The following HYAL4 variants were observed in gnomAD, a reference collection of about 807,000 sequenced individuals.
HYAL4 encodes hyaluronidase 4.
HYAL4 carries 37 observed loss-of-function variants against 35.2 expected under a neutral mutation model. The ratio of observed to expected loss-of-function variants is 1.05; its 90% CI spans 0.81 to 1.38. The LOEUF (loss-of-function observed/expected upper bound fraction) is 1.38, where lower values mean the gene tolerates loss of function less well. HYAL4 is among the 40% of genes most tolerant of loss of function. HYAL4 has a pLI of 0.00. For missense variants in HYAL4, 572 were observed against 572.4 expected (o/e 1.00, Z 0.01); for synonymous variants, 198 against 203.2 (o/e 0.97, Z 0.22).
At chr7:123,792,759 A>T in the HYAL4 span, among the ~76,000 whole-genome samples, 1 of 152,278 alleles carries the variant, frequency 6.6e-6, no homozygotes, top group African/African-American at 2.4e-5. Context: ...CGTTTTTCAC[A>T]GAAGAGTTAG....
chr7:123,827,259 G>T (rs1805812729), upstream of HYAL4, among the ~76,000 whole-genome samples: 1 of 152,116 alleles, frequency 6.6e-6, no homozygotes, highest in Admixed American at 6.6e-5. Context: ...AACATCTAGT[G>T]AGGTTGGGGA....
At chr7:123,839,404 A>G (rs12672839) in intron 1 of HYAL4, among the ~76,000 whole-genome samples, 20,999 of 152,126 alleles carry the variant, frequency 0.14, 1,530 homozygotes, top group African/African-American at 0.16. Flanking sequence ...CATTTGGGTT[A>G]GTTCCAAGTC....
At chr7:123,830,071 T>G (rs569246217) in intron 1 of HYAL4, among the ~76,000 whole-genome samples, 10 of 152,292 alleles carry the variant, frequency 6.6e-5, no homozygotes, top group African/African-American at 2.2e-4. Flanking sequence ...AATCGCTGTT[T>G]GCACTCCAGT....
At chr7:123,870,597 A>G (rs1806851384) in intron 3 of HYAL4, among the ~76,000 whole-genome samples, 2 of 152,080 alleles carry the variant, frequency 1.3e-5, no homozygotes, top group Non-Finnish European at 2.9e-5. Context: ...CCTCATCTCT[A>G]CTAAAAATAC....
At chr7:123,808,104 G>C in the HYAL4 span, among the ~76,000 whole-genome samples, 1 of 151,770 alleles carries the variant, frequency 6.6e-6, no homozygotes, top group African/African-American at 2.4e-5. Flanking sequence ...GTGCAAACAA[G>C]ACCCTCCATA....
In HYAL4 at chr7:123,868,295, C is replaced by T. The variant is rs373464915; in HGVS notation, c.22C>T (p.Gln8Ter). The T allele has an allele frequency of 6.4e-7, 1 of 1,560,326 alleles. No individual in the cohort carries two copies. Among genetic ancestry groups the T allele is most frequent in the Non-Finnish European group, 8.6e-7 (1 of 1,160,724 alleles). ...TACCATGAAAGTATTATCTGAAGGA[C>T]AGTTAAAGCTTTGTGTTGTTCAACC... MKVLSEGQLKLCVVQPVH... is the reference protein window; with the variant it reads MKVLSEG The change falls in exon 3 of 5, where the codon CAG becomes TAG. Residue 8 changes from glutamine to a stop codon, truncating the protein, a stop_gained. Transcript: ENST00000223026. LOFTEE classifies it high-confidence loss of function.
At chr7:123,804,382 T>C in the HYAL4 span, among the ~76,000 whole-genome samples, 19 of 152,196 alleles carry the variant, frequency 1.2e-4, no homozygotes, top group Admixed American at 1.1e-3. Flanking sequence ...TGAAGAGTCC[T>C]AGAGGAAGGG....
chr7:123,772,964 A>C, the HYAL4 span, among the ~76,000 whole-genome samples: 6 of 152,348 alleles, frequency 3.9e-5, no homozygotes, highest in Non-Finnish European at 8.8e-5. Flanking sequence ...AGTGCCAGCT[A>C]TTCATGGCAC....
chr7:123,802,372 A>T, the HYAL4 span, among the ~76,000 whole-genome samples: 1 of 152,118 alleles, frequency 6.6e-6, no homozygotes, highest in African/African-American at 2.4e-5. Context: ...TCATTTTTCC[A>T]TATCAAGGAT....
At chr7:123,871,159 A>G (rs950411477) in intron 3 of HYAL4, among the ~76,000 whole-genome samples, 2 of 150,424 alleles carry the variant, frequency 1.3e-5, no homozygotes, top group Non-Finnish European at 3.0e-5. Context: ...TGTACCCACC[A>G]TTGTACCCTA....
upstream of HYAL4, among the ~76,000 whole-genome samples, chr7:123,824,948 T>G (rs78357841): frequency 0.13 from 19,628 of 152,076 alleles, 1,335 homozygotes; most frequent in Non-Finnish European, 0.14. Flanking sequence ...AGTTCCCGTG[T>G]GGTTCTAGGA....
At chr7:123,786,718 CT>C in the HYAL4 span, among the ~76,000 whole-genome samples, 1 of 138,314 alleles carries the variant, frequency 7.2e-6, no homozygotes, top group Non-Finnish European at 1.6e-5. Flanking sequence ...CACATGCTAT[CT>C]ATCTATCTAT....
At position 123,861,836 on chromosome 7, in the gene HYAL4, TATC is replaced by T. The variant is rs1377022580; in HGVS notation, c.-51-6384_-51-6382del. 3.3e-5 allele frequency among the ~76,000 whole-genome samples: 5 copies of T among 152,292 alleles called. No homozygotes were observed. In the East Asian group the frequency reaches 9.6e-4, roughly 29 times the overall value. On this transcript the variant is annotated intron_variant, in intron 2 of 4. Transcript: ENST00000223026. ...TTCTTTGATAATAACATAAAATAGT[TATC>T]ATAAAATTCAGTATCTAATGATGAA... is the stretch of plus-strand genomic sequence containing the variant.
the HYAL4 span, among the ~76,000 whole-genome samples, chr7:123,799,228 T>G: frequency 6.6e-6 from 1 of 152,130 alleles, no homozygotes; most frequent in African/African-American, 2.4e-5. Flanking sequence ...TTTCTTCTCC[T>G]TATGTAAAGA....
At chr7:123,793,707 A>C in the HYAL4 span, among the ~76,000 whole-genome samples, 1 of 152,198 alleles carries the variant, frequency 6.6e-6, no homozygotes, top group Non-Finnish European at 1.5e-5. Flanking sequence ...TTCCCCAGCC[A>C]TGCTGAACTG....
chr7:123,793,052 A>G, the HYAL4 span, among the ~76,000 whole-genome samples: 1 of 152,154 alleles, frequency 6.6e-6, no homozygotes, highest in Non-Finnish European at 1.5e-5. Context: ...GCTCTCTTCT[A>G]CAGCTATCCT....
chr7:123,863,498 T>A (rs1806622138), intron 2 of HYAL4, among the ~76,000 whole-genome samples: 1 of 152,058 alleles, frequency 6.6e-6, no homozygotes. Context: ...ATGATTTAGG[T>A]TTTGGCTGAG....
At chr7:123,819,453 G>A in the HYAL4 span, 1 of 152,558 alleles carries the variant, frequency 6.6e-6, no homozygotes, top group African/African-American at 2.4e-5. Context: ...TTCTCTGTCA[G>A]CAACTTGAAT....
chr7:123,808,732 C>G, the HYAL4 span, among the ~76,000 whole-genome samples: 813 of 152,198 alleles, frequency 5.3e-3, 8 homozygotes, highest in African/African-American at 0.019. Flanking sequence ...TTATAAACAA[C>G]AGAAATTTAT....
Sources: allele counts gnomAD v4.1 joint callset (sites outside exome capture counted in the v4.1 genomes callset), GRCh38; gene constraint gnomAD v4.1.1; transcripts MANE v1.5; gene names NCBI Gene and HGNC (gene_info 2026-07-23, HGNC 2026-07-21).